Variants in DPP8 observed in about 807,000 individuals in gnomAD.
The protein encoded by DPP8 is dipeptidyl peptidase 8, also known as DPP VIII.
DPP8 carries 31 observed loss-of-function variants against 107.5 expected under a neutral mutation model. The ratio of observed to expected loss-of-function variants is 0.29; its 90% CI spans 0.22 to 0.39. The LOEUF (loss-of-function observed/expected upper bound fraction) is 0.39. Ranked by LOEUF, DPP8 falls within the 10% of genes least tolerant of loss-of-function variation. The pLI is 1.00. For synonymous variants in DPP8, 381 were observed against 356.6 expected, an observed-to-expected ratio of 1.07 and a Z score of -0.77; for missense variants, 842 against 1,076.1, an observed-to-expected ratio of 0.78 and a Z score of 3.04.
At chr15:65,508,578 C>T (rs116250399) in intron 2 of DPP8, among the ~76,000 whole-genome samples, 8,495 of 152,086 alleles carry the variant, frequency 0.056, 816 homozygotes, top group African/African-American at 0.19. Context: ...ACTGGCCGGC[C>T]GAGGTGGCTC....
chr15:65,514,201 C>T (rs1225541632), intron 1 of DPP8, among the ~76,000 whole-genome samples: 1 of 152,332 alleles, frequency 6.6e-6, no homozygotes, highest in East Asian at 1.9e-4. Flanking sequence ...TTTCATGCTA[C>T]AGTTACCTAT....
Position 65,517,497 on chromosome 15 carries a change from C to G in DPP8, c.-23G>C, listed in dbSNP as rs2071610369. 6.6e-6 allele frequency: 1 copy of G among 152,546 alleles called. No homozygotes were observed. The highest frequency in any genetic ancestry group is 2.4e-5 in the African/African-American group (1 of 41,478). The allele number at this position is 152,546 out of a possible 1,614,324, so 9.4% of individuals were successfully genotyped here. A position where few individuals can be genotyped will look rare whatever the true frequency, so the allele number is the denominator to read the frequency against. The stretch of plus-strand genomic sequence containing the variant: ...GGCGGATACTGCACCTTCCCCCCGG[C>G]CCCGCCCGGACCGTCCCGACGTGCG... On this transcript the variant is annotated 5_prime_UTR_variant, in exon 1 of 20. Coordinates refer to ENST00000300141, the MANE Select transcript of DPP8 (RefSeq NM_130434.5).
At chr15:65,449,725 A>G (rs2140319630) in intron 19 of DPP8, among the ~76,000 whole-genome samples, 1 of 152,242 alleles carries the variant, frequency 6.6e-6, no homozygotes, top group East Asian at 1.9e-4. Flanking sequence ...TCATAACTAC[A>G]TACTCTGTGA....
Position 65,512,312 on chromosome 15 carries a change from T to C in DPP8, c.242A>G (p.Asp81Gly). ...KRNDPDGPHS[D>G]RIYYLAMSGE... ...GTACTCACCAAGGTAATAGATTCTG[T>C]CTGAATGAGGTCCATCTGGATCATT... Residue 81 changes from aspartate to glycine, a missense_variant, in exon 2 of 20, where the codon GAC becomes GGC. Transcript: ENST00000300141. 2 of 1,612,678 alleles carry C rather than the reference T, an allele frequency of 1.2e-6. No homozygotes were observed. The highest frequency in any genetic ancestry group is 8.5e-7 in the Non-Finnish European group (1 of 1,179,482).
intron 3 of DPP8, among the ~76,000 whole-genome samples, chr15:65,504,955 T>C (rs1320547463): frequency 1.3e-5 from 2 of 151,900 alleles, no homozygotes; most frequent in Non-Finnish European, 2.9e-5. Context: ...GTATTCCAAC[T>C]TGGGTGACAG....
intron 11 of DPP8, 108 bp from the exon 12 acceptor site, chr15:65,474,396 G>T: frequency 1.3e-6 from 1 of 783,350 alleles, no homozygotes; most frequent in Non-Finnish European, 2.1e-6. Flanking sequence ...TATGTTTGGG[G>T]TAATAAAAAT....
intron 2 of DPP8, among the ~76,000 whole-genome samples, chr15:65,508,868 T>C (rs1386191496): frequency 6.8e-6 from 1 of 146,180 alleles, no homozygotes. Context: ...AAAAAAGGGG[T>C]ATTGCTTCCA....
intron 18 of DPP8, among the ~76,000 whole-genome samples, chr15:65,451,551 G>T (rs1464258712): frequency 1.3e-5 from 2 of 152,082 alleles, no homozygotes; most frequent in African/African-American, 4.8e-5. Flanking sequence ...ATTTGTCTTG[G>T]TTTTTCAGTA....
chr15:65,512,316 A>C lies in DPP8; in HGVS notation c.238T>G (p.Ser80Ala). The change falls in exon 2 of 20, where the codon TCA (serine) becomes GCA (alanine). Residue 80 changes from serine (S) to alanine (A), a missense_variant. Physicochemically the swap from Ser to Ala is moderately conservative, Grantham distance 99. This residue lies in a region of DPP8 where 663 missense variants were observed against 758.0 expected (regional missense o/e 0.87). Transcript: ENST00000300141. ...TCACCAAGGTAATAGATTCTGTCTG[A>C]ATGAGGTCCATCTGGATCATTCCTC... is the stretch of plus-strand genomic sequence containing the variant. Reference protein sequence around the residue: ...VKRNDPDGPHSDRIYYLAMSG... With the variant: ...VKRNDPDGPHADRIYYLAMSG... 1 of 1,613,120 alleles carries C rather than the reference A, an allele frequency of 6.2e-7. No homozygotes were observed. Among genetic ancestry groups the C allele is most frequent in the Non-Finnish European group, 8.5e-7 (1 of 1,179,682 alleles).
At position 65,454,397 on chromosome 15, in the gene DPP8, C is replaced by T; in HGVS notation, c.2137G>A (p.Asp713Asn). 1 of 1,595,706 alleles carries T rather than the reference C, an allele frequency of 6.3e-7. No homozygotes were observed. Among genetic ancestry groups the T allele is most frequent in the Non-Finnish European group, 8.5e-7 (1 of 1,173,978 alleles). ...KYKMGQIEID[D>N]QVEGLQYLAS... is the part of the protein sequence containing the mutation. ...AGATATTGGAGTCCTTCCACCTGAT[C>T]GTCAATTTCTATTTGACCCTGTCAA... Residue 713 changes from aspartate (D) to asparagine (N), a missense_variant, in exon 17 of 20, where the codon GAT becomes AAT. Coordinates refer to ENST00000300141, the MANE Select transcript of DPP8 (RefSeq NM_130434.5).
At chr15:65,477,343 C>T (rs1403818227) in intron 11 of DPP8, among the ~76,000 whole-genome samples, 1 of 151,554 alleles carries the variant, frequency 6.6e-6, no homozygotes, top group Non-Finnish European at 1.5e-5. Context: ...TGCAGTGAGC[C>T]GAGATAGCAC....
intron 3 of DPP8, among the ~76,000 whole-genome samples, chr15:65,505,825 C>G (rs1023070973): frequency 7.9e-5 from 12 of 151,892 alleles, no homozygotes; most frequent in African/African-American, 2.9e-4. Context: ...TGGTGTGCAC[C>G]TGTAATCCCA....
At chr15:65,451,797 G>A (rs542109346) in intron 18 of DPP8, among the ~76,000 whole-genome samples, 163 bp downstream of exon 18, 26 of 151,656 alleles carry the variant, frequency 1.7e-4, no homozygotes, top group South Asian at 8.4e-4. Context: ...ATGGTGGCAC[G>A]TGCCTGTAAA....
At chr15:65,452,452 C>T (rs2064056143) in intron 17 of DPP8, among the ~76,000 whole-genome samples, 2 of 147,392 alleles carry the variant, frequency 1.4e-5, no homozygotes, top group Admixed American at 6.8e-5. Context: ...AAGGAGCCAC[C>T]TTTTTTTTTT....
In DPP8 at chr15:65,512,289, A is replaced by C; in HGVS notation, c.259+6T>G. 6.2e-7 allele frequency: 1 copy of C among 1,602,908 alleles called. No individual in the cohort carries two copies. Among genetic ancestry groups the C allele is most frequent in the Admixed American group, 1.7e-5 (1 of 59,256 alleles). On this transcript the variant is annotated splice_donor_region_variant and intron_variant, in intron 2 of 19. Transcript: ENST00000300141. ...TTTCTCTCAGAAACTACAACTTCGT[A>C]CTCACCAAGGTAATAGATTCTGTCT...
At chr15:65,478,282 CAG>C (rs2066588960) in intron 11 of DPP8, among the ~76,000 whole-genome samples, 1 of 152,060 alleles carries the variant, frequency 6.6e-6, no homozygotes. Flanking sequence ...TCTGTTGAGA[CAG>C]AGTTTTGCTC....
At chr15:65,470,301 A>C (rs2140542939) in intron 12 of DPP8, among the ~76,000 whole-genome samples, 1 of 151,712 alleles carries the variant, frequency 6.6e-6, no homozygotes, top group East Asian at 1.9e-4. Flanking sequence ...AAGTCAAAAA[A>C]CAAATCAAGA....
intron 5 of DPP8, among the ~76,000 whole-genome samples, chr15:65,492,875 G>A (rs1368855955): frequency 2.0e-5 from 3 of 152,078 alleles, no homozygotes; most frequent in East Asian, 1.9e-4. Flanking sequence ...TAGGATTACA[G>A]GTGTGAGCCA....
At chr15:65,471,387 C>T (rs1206322049) in intron 12 of DPP8, among the ~76,000 whole-genome samples, 1 of 152,014 alleles carries the variant, frequency 6.6e-6, no homozygotes, top group Admixed American at 6.6e-5. Context: ...CATTCTGACA[C>T]CCAGGCTATA....
Sources: allele counts gnomAD v4.1 joint callset (sites outside exome capture counted in the v4.1 genomes callset), GRCh38; gene constraint gnomAD v4.1.1; regional missense constraint gnomAD v4.1.1; transcripts MANE v1.5; gene names NCBI Gene and HGNC (gene_info 2026-07-23, HGNC 2026-07-21).